The following PAK1 variants were observed in gnomAD, a reference collection of about 807,000 sequenced individuals.
The protein encoded by PAK1 is serine/threonine-protein kinase PAK 1.
Under a neutral mutation model 67.4 loss-of-function variants are expected in PAK1, and 29 were observed. The ratio of observed to expected loss-of-function variants is 0.43; its 90% confidence interval spans 0.32 to 0.59. PAK1 has a LOEUF of 0.59. Ranked by LOEUF, PAK1 falls within the 20% of genes least tolerant of loss-of-function variation. The pLI is 0.07. For synonymous variants in PAK1, 223 were observed against 237.4 expected (o/e 0.94, Z 0.56); for missense variants, 337 against 670.7 (o/e 0.50, Z 5.50).
chr11:77,385,513 AT>A (rs2137240724), intron 2 of PAK1, among the ~76,000 whole-genome samples: 1 of 152,350 alleles, frequency 6.6e-6, no homozygotes, highest in East Asian at 1.9e-4. Context: ...TTTGTAACAT[AT>A]ATAACTGACA....
At chr11:77,505,241 G>A in the PAK1 span, among the ~76,000 whole-genome samples, 1 of 151,098 alleles carries the variant, frequency 6.6e-6, no homozygotes, top group African/African-American at 2.4e-5. Context: ...AGGCTGGAGC[G>A]CAGTGGTGCA....
At chr11:77,337,681 A>G (rs546734875) in intron 11 of PAK1, among the ~76,000 whole-genome samples, 3 of 152,176 alleles carry the variant, frequency 2.0e-5, no homozygotes, top group Admixed American at 6.5e-5. Context: ...AGTTCCTCCA[A>G]TGTAATTTTT....
At chr11:77,445,677 G>A (rs954668167) in intron 1 of PAK1, among the ~76,000 whole-genome samples, 4 of 152,142 alleles carry the variant, frequency 2.6e-5, no homozygotes, top group African/African-American at 9.7e-5. Flanking sequence ...ACACCGGAGT[G>A]AGCTATTTAA....
the PAK1 span, among the ~76,000 whole-genome samples, chr11:77,496,990 A>G: frequency 6.6e-6 from 1 of 152,206 alleles, no homozygotes; most frequent in East Asian, 1.9e-4. Flanking sequence ...AACCAGTCTC[A>G]GTAGCCTCCT....
chr11:77,328,450 G>A (rs992409790), intron 14 of PAK1, among the ~76,000 whole-genome samples: 1 of 152,150 alleles, frequency 6.6e-6, no homozygotes, highest in African/African-American at 2.4e-5. Flanking sequence ...AGACCACAGT[G>A]CAATCAAACT....
chr11:77,492,586 G>A, the PAK1 span, among the ~76,000 whole-genome samples: 143 of 141,274 alleles, frequency 1.0e-3, no homozygotes, highest in Admixed American at 2.3e-3. Flanking sequence ...TCATTCTGTC[G>A]CCCAGGTTGC....
chr11:77,443,049 G>A (rs780607406), intron 1 of PAK1, among the ~76,000 whole-genome samples: 24 of 152,190 alleles, frequency 1.6e-4, no homozygotes, highest in Non-Finnish European at 3.1e-4. Flanking sequence ...AGTAGGCTGG[G>A]CCTGGTGGCT....
chr11:77,480,150 C>T, the PAK1 span, among the ~76,000 whole-genome samples: 1 of 152,160 alleles, frequency 6.6e-6, no homozygotes, highest in African/African-American at 2.4e-5. Flanking sequence ...ACATGGCAAG[C>T]ACCCTCCCAA....
chr11:77,431,976 T>C (rs1955881759), intron 1 of PAK1, among the ~76,000 whole-genome samples: 1 of 152,222 alleles, frequency 6.6e-6, no homozygotes, highest in South Asian at 2.1e-4. Context: ...ATCCCACTCT[T>C]GTACTCTAAA....
At position 77,471,890 on chromosome 11, in the gene PAK1, T is replaced by G. The variant is rs193037191; in HGVS notation, c.-22+1662A>C. Reference sequence around the variant, plus strand: ...ACAAGCTTTTTACCAAATGCCCTGTTATGGATGAGGCAGGTCACCTTCCCT... The same window carrying G: ...ACAAGCTTTTTACCAAATGCCCTGTGATGGATGAGGCAGGTCACCTTCCCT... On this transcript the variant is annotated intron_variant, in intron 1 of 14. Coordinates refer to ENST00000356341, the MANE Select transcript of PAK1 (RefSeq NM_002576.5). Among the ~76,000 whole-genome samples, 7 of 152,182 alleles carry G rather than the reference T, an allele frequency of 4.6e-5. No individual in the cohort carries two copies. In the East Asian group the frequency reaches 1.3e-3, roughly 29 times the overall value.
chr11:77,495,904 G>T, the PAK1 span, among the ~76,000 whole-genome samples: 2 of 152,008 alleles, frequency 1.3e-5, no homozygotes, highest in Admixed American at 6.6e-5. Context: ...GAGAAAGGAG[G>T]TTATTGTTTA....
intron 1 of PAK1, among the ~76,000 whole-genome samples, chr11:77,395,414 C>T (rs2137528705): frequency 6.6e-6 from 1 of 152,252 alleles, no homozygotes; most frequent in Non-Finnish European, 1.5e-5. Flanking sequence ...TCAAACTTTG[C>T]ATAAAGATAT....
chr11:77,492,417 C>T, the PAK1 span, among the ~76,000 whole-genome samples: 1 of 150,726 alleles, frequency 6.6e-6, no homozygotes, highest in African/African-American at 2.4e-5. Flanking sequence ...AATCACAGTA[C>T]AATATGTTAT....
intron 5 of PAK1, 75 bp downstream of exon 5, chr11:77,374,253 C>T (rs374688372): frequency 1.0e-5 from 10 of 958,070 alleles, no homozygotes; most frequent in East Asian, 9.7e-5. Flanking sequence ...CCAGCTCAGG[C>T]TCTGCCTCTA....
At chr11:77,506,082 G>C in the PAK1 span, among the ~76,000 whole-genome samples, 475 of 152,318 alleles carry the variant, frequency 3.1e-3, 2 homozygotes, top group Non-Finnish European at 4.9e-3. Flanking sequence ...GGCATGAAGT[G>C]AGATTAGAGA....
At chr11:77,428,571 CA>C (rs34457093) in intron 1 of PAK1, among the ~76,000 whole-genome samples, 326 of 110,994 alleles carry the variant, frequency 2.9e-3, no homozygotes, top group African/African-American at 4.3e-3. Context: ...GACTCCATCT[CA>C]AAAAAAAAAA....
intron 8 of PAK1, among the ~76,000 whole-genome samples, chr11:77,351,953 C>T (rs147662720): frequency 6.6e-6 from 1 of 151,922 alleles, no homozygotes; most frequent in East Asian, 1.9e-4. Flanking sequence ...TATATATGTA[C>T]ACACCCATGT....
In PAK1 at chr11:77,389,118, G is replaced by A. The variant is rs114004647; in HGVS notation, c.190+3213C>T. 8.7e-3 allele frequency among the ~76,000 whole-genome samples: 1,318 copies of A among 152,110 alleles called. 13 individuals are homozygous for A. The highest frequency in any genetic ancestry group is 0.082 in the Middle Eastern group (24 of 294). On this transcript the variant is annotated intron_variant, in intron 2 of 14. Coordinates refer to ENST00000356341, the MANE Select transcript of PAK1 (RefSeq NM_002576.5). ...TCCCTCTCTGCAGCCCAAGGCAACC[G>A]CTAATCTACTTTCTATCTATGAATT...
At chr11:77,351,423 A>G (rs544278840) in intron 8 of PAK1, among the ~76,000 whole-genome samples, 5 of 152,272 alleles carry the variant, frequency 3.3e-5, no homozygotes, top group African/African-American at 4.8e-5. Context: ...TGACTTGCCT[A>G]TGCTTGTCCA....
Sources: allele counts gnomAD v4.1 joint callset (sites outside exome capture counted in the v4.1 genomes callset), GRCh38; gene constraint gnomAD v4.1.1; transcripts MANE v1.5; gene names NCBI Gene and HGNC (gene_info 2026-07-23, HGNC 2026-07-21).